SMAP2: variants seen among roughly 807,000 people sequenced by gnomAD.
SMAP2 encodes stromal membrane-associated protein 2.
In SMAP2, 25 loss-of-function variants were observed where a neutral mutation model predicts 56.4. That is an observed-to-expected ratio of 0.44 (90% CI 0.32 to 0.62). The LOEUF (loss-of-function observed/expected upper bound fraction) is 0.62. SMAP2 is among the 20% of genes least tolerant of loss of function. The pLI is 0.04. For synonymous variants in SMAP2, 157 were observed against 181.7 expected (o/e 0.86, Z 1.09); for missense variants, 388 against 545.6 (o/e 0.71, Z 2.88).
At chr1:40,395,167 C>T (rs1644757883) in intron 1 of SMAP2, among the ~76,000 whole-genome samples, 1 of 152,158 alleles carries the variant, frequency 6.6e-6, no homozygotes, top group Admixed American at 6.5e-5. Flanking sequence ...ATTATCAGGA[C>T]ATATGTTGGC....
chr1:40,373,696 T>G (rs1569834536), upstream of SMAP2: 2 of 160,168 alleles, frequency 1.2e-5, no homozygotes, highest in South Asian at 1.4e-4. Context: ...AGGGTGGAGG[T>G]GGGGAGGAAG....
In SMAP2 at chr1:40,393,101, CAAAA is replaced by C. The variant is rs11380652; in HGVS notation, c.104-13625_104-13622del. ...TGGGTGACAGAGCGTGAATCCATCT[CAAAA>C]AAAAAAAAAGTATACTAAATTAGTA... is the stretch of plus-strand genomic sequence containing the variant. On this transcript the variant is annotated intron_variant, in intron 1 of 9. Coordinates refer to ENST00000372718, the MANE Select transcript of SMAP2 (RefSeq NM_022733.3). Among the ~76,000 whole-genome samples the C allele has an allele frequency of 2.1e-5, 3 of 144,086 alleles. No individual in the cohort carries two copies. In the East Asian group the frequency reaches 6.0e-4, roughly 29 times the overall value. The allele number at this position is 144,086 out of a possible 152,430, so 94.5% of individuals were successfully genotyped here.
At chr1:40,412,795 C>T (rs371872400) in intron 4 of SMAP2, among the ~76,000 whole-genome samples, 1 of 152,076 alleles carries the variant, frequency 6.6e-6, no homozygotes, top group Non-Finnish European at 1.5e-5. Context: ...GGAGGGCGGG[C>T]GCCTAAGGTG....
At chr1:40,391,201 A>G (rs1216059632) in intron 1 of SMAP2, among the ~76,000 whole-genome samples, 2 of 152,234 alleles carry the variant, frequency 1.3e-5, no homozygotes, top group Non-Finnish European at 2.9e-5. Context: ...CTAGAGGAAC[A>G]AAGATGGGAC....
At position 40,416,221 on chromosome 1, in the gene SMAP2, G is replaced by C. The variant is rs1644985533; in HGVS notation, c.727G>C (p.Glu243Gln). The change falls in exon 8 of 10, where the codon GAA becomes CAA. Residue 243 changes from glutamate (E) to glutamine (Q), a missense_variant. Glu to Gln is a conservative substitution (Grantham distance 29, BLOSUM62 2). Transcript: ENST00000372718. ...PTAGSAGSVP[E>Q]NLNLFPEPGS... ...TGCAGGGAGTGCCGGCTCTGTTCCT[G>C]AAAATCTGAACCTGTTTCCGGAGCC... is the stretch of plus-strand genomic sequence containing the variant. 2 of 1,614,016 alleles carry C rather than the reference G, an allele frequency of 1.2e-6. No homozygotes were observed. Among genetic ancestry groups the C allele is most frequent in the Non-Finnish European group, 1.7e-6 (2 of 1,179,982 alleles).
At chr1:40,378,954 T>C (rs1010391447) in intron 1 of SMAP2, among the ~76,000 whole-genome samples, 1 of 151,378 alleles carries the variant, frequency 6.6e-6, no homozygotes, top group African/African-American at 2.4e-5. Context: ...AAGTAACAAT[T>C]GTTGGCAATT....
intron 8 of SMAP2, 98 bp downstream of exon 8, chr1:40,416,439 C>A: frequency 7.2e-7 from 1 of 1,386,932 alleles, no homozygotes; most frequent in Middle Eastern, 1.9e-4. Flanking sequence ...GCTTTGGGGG[C>A]CAGGATGTCA....
intron 4 of SMAP2, among the ~76,000 whole-genome samples, chr1:40,412,470 T>C (rs1335611256): frequency 6.6e-6 from 1 of 152,214 alleles, no homozygotes; most frequent in Non-Finnish European, 1.5e-5. Flanking sequence ...TACTTTGTGG[T>C]TTTGTTTTAC....
intron 1 of SMAP2, among the ~76,000 whole-genome samples, chr1:40,357,100 T>C (rs1185054062): frequency 1.3e-5 from 2 of 151,980 alleles, no homozygotes; most frequent in Admixed American, 6.6e-5. Context: ...CACATTTTTT[T>C]CCCCATTCTG....
At chr1:40,393,832 A>T (rs985720551) in intron 1 of SMAP2, among the ~76,000 whole-genome samples, 1 of 152,118 alleles carries the variant, frequency 6.6e-6, no homozygotes, top group Non-Finnish European at 1.5e-5. Context: ...GGCGTGAGGC[A>T]CCGCGCCCGG....
chr1:40,349,108 C>T (rs949236490), intron 1 of SMAP2, among the ~76,000 whole-genome samples: 2 of 152,130 alleles, frequency 1.3e-5, no homozygotes, highest in African/African-American at 2.4e-5. Flanking sequence ...CTCATATTAT[C>T]TTCTCTATTT....
chr1:40,412,517 G>A (rs890888210), intron 4 of SMAP2, among the ~76,000 whole-genome samples: 17 of 151,952 alleles, frequency 1.1e-4, no homozygotes, highest in African/African-American at 3.4e-4. Context: ...CTTAATTTTT[G>A]TTCTTCTAAT....
intron 2 of SMAP2, among the ~76,000 whole-genome samples, chr1:40,364,034 G>A (rs2124180968): frequency 6.6e-6 from 1 of 152,302 alleles, no homozygotes; most frequent in East Asian, 1.9e-4. Context: ...AAATGAACAG[G>A]TCATTCTATG....
At position 40,367,608 on chromosome 1, in the gene SMAP2, G is replaced by A. The variant is rs201440880; in HGVS notation, c.55+5172G>A. ...CAACCTGCTCCTGAATGACTACTGG[G>A]TACATAACGAAATGAAGGCAGAAAT... On this transcript the variant is annotated intron_variant, in intron 2 of 6. Transcript: ENST00000435168. Among the ~76,000 whole-genome samples the A allele has an allele frequency of 3.4e-3, 100 of 29,202 alleles. 1 individual carries two copies. The East Asian group carries it at 0.048, about 14-fold the overall frequency. 19.2% of individuals were successfully genotyped at this position (29,202 alleles called of 152,430 possible).
chr1:40,380,344 T>C (rs1046944690), intron 1 of SMAP2, among the ~76,000 whole-genome samples: 3 of 152,190 alleles, frequency 2.0e-5, no homozygotes, highest in African/African-American at 7.2e-5. Context: ...TATGAAAGAT[T>C]AGACCAGGGA....
At chr1:40,357,583 T>A (rs1644441765) in intron 1 of SMAP2, among the ~76,000 whole-genome samples, 1 of 152,202 alleles carries the variant, frequency 6.6e-6, no homozygotes, top group African/African-American at 2.4e-5. Context: ...AAGTCTTAGA[T>A]CAAATTTTGG....
intron 1 of SMAP2, among the ~76,000 whole-genome samples, chr1:40,395,785 T>C (rs554001325): frequency 6.6e-5 from 10 of 152,344 alleles, no homozygotes; most frequent in African/African-American, 2.4e-4. Flanking sequence ...GCCTCCTTCC[T>C]TTCTCCTAGT....
upstream of SMAP2, among the ~76,000 whole-genome samples, chr1:40,371,435 T>C (rs1644495901): frequency 6.6e-6 from 1 of 152,204 alleles, no homozygotes; most frequent in South Asian, 2.1e-4. Context: ...GCTTATACAG[T>C]GGTAAACAAA....
At chr1:40,352,822 G>A (rs115274568) in intron 1 of SMAP2, among the ~76,000 whole-genome samples, 3 of 152,182 alleles carry the variant, frequency 2.0e-5, no homozygotes, top group Non-Finnish European at 4.4e-5. Flanking sequence ...GCCACCACAC[G>A]CGGCGCCTCC....
Sources: gnomAD v4.1 joint callset for allele counts (sites outside exome capture counted in the v4.1 genomes callset) on GRCh38, gnomAD v4.1.1 for gene constraint, MANE v1.5 for transcripts, NCBI Gene and HGNC (gene_info 2026-07-23, HGNC 2026-07-21) for gene names.